Variants in CTDP1 observed in about 807,000 individuals in gnomAD.
CTDP1 encodes the protein CTD phosphatase 1, also known as RNA polymerase II subunit A C-terminal domain phosphatase.
CTDP1 carries 47 observed loss-of-function variants against 91.8 expected under a neutral mutation model. The observed-to-expected ratio is 0.51, with a 90% CI of 0.41 to 0.65. The LOEUF (loss-of-function observed/expected upper bound fraction) is 0.65, where lower values mean the gene tolerates loss of function less well. Among genes scored for constraint, CTDP1 ranks in the 30% least tolerant of loss-of-function variants. The pLI is 0.00. For synonymous variants in CTDP1, 656 were observed against 598.5 expected (o/e 1.10, Z -1.40); for missense variants, 1,272 against 1,373.7 (o/e 0.93, Z 1.17).
chr18:79,686,110 C>T (rs916257067), intron 1 of CTDP1, among the ~76,000 whole-genome samples: 1 of 152,110 alleles, frequency 6.6e-6, no homozygotes, highest in Non-Finnish European at 1.5e-5. Context: ...CTGTGATTTA[C>T]CTTTGTCATG....
chr18:79,753,812 T>A lies in CTDP1; in HGVS notation c.*22T>A, dbSNP rs754629155. 2 of 1,610,788 alleles carry A rather than the reference T, an allele frequency of 1.2e-6. No individual in the cohort carries two copies. The highest frequency in any genetic ancestry group is 2.2e-5 in the East Asian group (1 of 44,782). On this transcript the variant is annotated 3_prime_UTR_variant, in exon 13 of 13. Transcript: ENST00000613122. ...GTGAGCGCGGGCAGCGGGCAGGGAC[T>A]GAAGCCTGACCGACCTCCAGCAGCA...
chr18:79,689,720 G>T (rs949155333), intron 1 of CTDP1, among the ~76,000 whole-genome samples: 7 of 152,370 alleles, frequency 4.6e-5, no homozygotes, highest in Admixed American at 4.6e-4. Flanking sequence ...GGCAGAGATT[G>T]CAGTGAGCTA....
rs1028088986 is a variant in CTDP1, at chr18:79,679,827, G to T, written c.-121G>T. The T allele has an allele frequency of 1.0e-6, 1 of 1,004,078 alleles. No homozygotes were observed. The highest frequency in any genetic ancestry group is 1.7e-5 in the South Asian group (1 of 59,626). 62.2% of individuals were successfully genotyped at this position (1,004,078 alleles called of 1,614,324 possible). On this transcript the variant is annotated 5_prime_UTR_variant, in exon 1 of 13. Coordinates refer to ENST00000613122, the MANE Select transcript of CTDP1 (RefSeq NM_004715.5). ...GAAGTCGGCGCGGGCTAGGCGACGG[G>T]TGGAAGCCGGTACCGAGAGGAACTA...
chr18:79,718,444 A>G (rs1162297644), intron 10 of CTDP1, among the ~76,000 whole-genome samples: 1 of 152,052 alleles, frequency 6.6e-6, no homozygotes, highest in Non-Finnish European at 1.5e-5. Context: ...CTTCGTTTCC[A>G]CACAGAGCAG....
At chr18:79,731,494 G>C (rs2086566012) in intron 11 of CTDP1, among the ~76,000 whole-genome samples, 1 of 152,206 alleles carries the variant, frequency 6.6e-6, no homozygotes, top group Admixed American at 6.5e-5. Context: ...TGTGTGCCCA[G>C]TTCCTTGAGA....
intron 6 of CTDP1, 52 bp from the exon 7 acceptor site, chr18:79,712,920 G>A: frequency 6.3e-7 from 1 of 1,584,362 alleles, no homozygotes; most frequent in Non-Finnish European, 8.7e-7. Flanking sequence ...CAAGATGAAT[G>A]ACTACAACTT....
At chr18:79,729,828 G>A (rs923410590) in intron 11 of CTDP1, among the ~76,000 whole-genome samples, 2 of 152,226 alleles carry the variant, frequency 1.3e-5, no homozygotes, top group African/African-American at 4.8e-5. Flanking sequence ...GCCCTCATGG[G>A]TGGCGCCTGT....
chr18:79,685,345 C>G (rs1357595897), intron 1 of CTDP1: 2 of 151,982 alleles, frequency 1.3e-5, no homozygotes, highest in East Asian at 1.9e-4. Context: ...TGGCTTTTTC[C>G]CAGTCACTCA....
At chr18:79,736,667 C>A in intron 12 of CTDP1, 146 bp downstream of exon 12, 1 of 805,290 alleles carries the variant, frequency 1.2e-6, no homozygotes, top group Middle Eastern at 3.7e-4. Flanking sequence ...TCAGCAGCCC[C>A]TGGTGATGGC....
At chr18:79,747,167 G>A (rs1237846076) in intron 12 of CTDP1, among the ~76,000 whole-genome samples, 1 of 152,102 alleles carries the variant, frequency 6.6e-6, no homozygotes, top group Non-Finnish European at 1.5e-5. Flanking sequence ...CCCTAAAATA[G>A]GTCACTGAAC....
rs961827482 is a variant in CTDP1, at chr18:79,736,397, G to A, written c.2623G>A (p.Glu875Lys). 14 of 1,549,366 alleles carry A rather than the reference G, an allele frequency of 9.0e-6. No individual in the cohort carries two copies. Among genetic ancestry groups the A allele is most frequent in the African/African-American group, 1.4e-5 (1 of 73,006 alleles). The change falls in exon 12 of 13, where the codon GAG (glutamate) becomes AAG (lysine). Residue 875 changes from glutamate (E) to lysine (K), a missense_variant. Physicochemically the swap from Glu to Lys is moderately conservative, Grantham distance 56. Around this residue, in one of 3 missense-constraint regions of CTDP1, gnomAD observed 881 missense variants for 911.6 expected, o/e 0.97. Transcript: ENST00000613122. ...AGAAGGCAGCGACGACAGCGACAGC[G>A]AGAAGAGGAGGCCTGAGGAGCAGGA... ...LGEGSDDSDS[E>K]KRRPEEQEEE...
At chr18:79,693,788 C>G (rs1355170368) in intron 1 of CTDP1, among the ~76,000 whole-genome samples, 1 of 152,194 alleles carries the variant, frequency 6.6e-6, no homozygotes, top group Admixed American at 6.5e-5. Context: ...CTCCACTCCC[C>G]TCCAGGCTAC....
chr18:79,756,560 G>A (rs1392834505), downstream of CTDP1: 1 of 152,218 alleles, frequency 6.6e-6, no homozygotes, highest in Non-Finnish European at 1.5e-5. Flanking sequence ...CTGAATGTTA[G>A]GGAAAATATT....
chr18:79,753,753 C>T lies in CTDP1; in HGVS notation c.2849C>T (p.Ala950Val). ...EGSSSEADEM[A>V]KALEAELNDL... Reference sequence around the variant, plus strand: ...AGCAGCTCCGAGGCCGACGAGATGGCCAAGGCGCTGGAGGCGGAGCTCAAC... The same window carrying T: ...AGCAGCTCCGAGGCCGACGAGATGGTCAAGGCGCTGGAGGCGGAGCTCAAC... Residue 950 changes from alanine to valine, a missense_variant, in exon 13 of 13, where the codon GCC becomes GTC. Around this residue, in one of 3 missense-constraint regions of CTDP1, gnomAD observed 881 missense variants for 911.6 expected, o/e 0.97. Coordinates refer to ENST00000613122, the MANE Select transcript of CTDP1 (RefSeq NM_004715.5). The T allele has an allele frequency of 6.2e-7, 1 of 1,613,856 alleles. No individual in the cohort carries two copies.
At chr18:79,743,312 G>C (rs2086815921) in intron 12 of CTDP1, among the ~76,000 whole-genome samples, 1 of 152,082 alleles carries the variant, frequency 6.6e-6, no homozygotes, top group African/African-American at 2.4e-5. Context: ...GATTGCCTGA[G>C]TTCAGGAGTT....
In CTDP1 at chr18:79,713,065, A is replaced by C. The variant is rs2086115125; in HGVS notation, c.957A>C (p.Lys319Asn). 6.2e-7 allele frequency: 1 copy of C among 1,614,212 alleles called. No homozygotes were observed. The highest frequency in any genetic ancestry group is 8.5e-7 in the Non-Finnish European group (1 of 1,180,028). Residue 319 changes from lysine to asparagine, a missense_variant, in exon 7 of 13, where the codon AAA becomes AAC. Physicochemically the swap from Lys to Asn is moderately conservative, Grantham distance 94. Coordinates refer to ENST00000613122, the MANE Select transcript of CTDP1 (RefSeq NM_004715.5). The surrounding 1 kb of genome is among the most constrained non-coding windows in gnomAD (Gnocchi z 4.7). ...CCCCCAATCTGATAACTGTGAAGAA[A>C]TATGTATACTTCCAGGGCACGGGTG... Reference protein sequence around the residue: ...KFAPNLITVKKYVYFQGTGDM... With the variant: ...KFAPNLITVKNYVYFQGTGDM...
At chr18:79,755,406 G>C (rs1473871626), downstream of CTDP1, 1 of 152,220 alleles carries the variant, frequency 6.6e-6, no homozygotes, top group South Asian at 2.1e-4. Flanking sequence ...CCTCAGGTCC[G>C]ATTTCGCCAC....
chr18:79,749,578 TC>T (rs1450765584), intron 12 of CTDP1, among the ~76,000 whole-genome samples: 2 of 151,340 alleles, frequency 1.3e-5, no homozygotes, highest in African/African-American at 4.9e-5. Flanking sequence ...AGAGGGCACT[TC>T]GGCTCTCCTG....
chr18:79,747,975 A>G (rs2086914417), intron 12 of CTDP1, among the ~76,000 whole-genome samples: 1 of 152,208 alleles, frequency 6.6e-6, no homozygotes, highest in Non-Finnish European at 1.5e-5. Context: ...GGGGTGGGGT[A>G]TACATATATA....
Sources: allele counts gnomAD v4.1 joint callset (sites outside exome capture counted in the v4.1 genomes callset), GRCh38; gene constraint gnomAD v4.1.1; regional missense constraint gnomAD v4.1.1; non-coding constraint Gnocchi (gnomAD v3.1); transcripts MANE v1.5; gene names NCBI Gene and HGNC (gene_info 2026-07-23, HGNC 2026-07-21).